The following M1AP variants were observed in gnomAD, a reference collection of about 807,000 sequenced individuals.
M1AP encodes the protein meiosis 1 arrest protein.
M1AP carries 39 observed loss-of-function variants against 51.2 expected under a neutral mutation model. The observed-to-expected ratio is 0.76, with a 90% CI of 0.59 to 1.00. The LOEUF is 1.00. M1AP is among the 50% of genes least tolerant of loss of function. M1AP has a pLI of 0.00. For synonymous variants in M1AP, 251 were observed against 249.2 expected, an observed-to-expected ratio of 1.01 and a Z score of -0.07; for missense variants, 545 against 641.2, an observed-to-expected ratio of 0.85 and a Z score of 1.62.
intron 2 of M1AP, among the ~76,000 whole-genome samples, chr2:74,619,825 G>A (rs943421279): frequency 1.3e-5 from 2 of 152,064 alleles, no homozygotes; most frequent in Non-Finnish European, 2.9e-5. Context: ...TTGTACTGAC[G>A]GAATGAATGA....
chr2:74,611,166 T>C (rs1247299678), intron 3 of M1AP, among the ~76,000 whole-genome samples: 1 of 152,196 alleles, frequency 6.6e-6, no homozygotes, highest in African/African-American at 2.4e-5. Context: ...TGTCCGGTTT[T>C]GGTATCAGGG....
chr2:74,568,135 T>C (rs1431836135), intron 7 of M1AP, among the ~76,000 whole-genome samples: 3 of 152,156 alleles, frequency 2.0e-5, no homozygotes, highest in Non-Finnish European at 4.4e-5. Context: ...CCCACACTTG[T>C]AAGGAAATCC....
chr2:74,582,076 C>T (rs967832866), intron 4 of M1AP, among the ~76,000 whole-genome samples: 2 of 152,160 alleles, frequency 1.3e-5, no homozygotes, highest in Non-Finnish European at 2.9e-5. Context: ...ACTACAAGCA[C>T]TCACCACCAC....
chr2:74,589,668 T>C (rs1679927418), intron 4 of M1AP, among the ~76,000 whole-genome samples: 1 of 152,232 alleles, frequency 6.6e-6, no homozygotes, highest in Non-Finnish European at 1.5e-5. Flanking sequence ...GGGAGTTCCA[T>C]GAGCAGAGCT....
chr2:74,575,315 G>GT (rs1678991670), intron 7 of M1AP, 123 bp downstream of exon 7: 11 of 1,498,850 alleles, frequency 7.3e-6, no homozygotes, highest in Non-Finnish European at 8.9e-6. Context: ...AGTATTTCCA[G>GT]TTTTTTCTGT....
At chr2:74,647,893 T>A in intron 1 of M1AP, 1 of 486,278 alleles carries the variant, frequency 2.1e-6, no homozygotes. Flanking sequence ...AAACTCCGTC[T>A]CAAAAACAAA....
chr2:74,628,883 C>T, intron 2 of M1AP: 1 of 425,002 alleles, frequency 2.4e-6, no homozygotes, highest in South Asian at 2.1e-5. Context: ...TAGTTGTCTC[C>T]TCTTCTGCAT....
chr2:74,607,325 G>T, intron 3 of M1AP, 102 bp from the exon 4 acceptor site: 2 of 1,181,504 alleles, frequency 1.7e-6, no homozygotes, highest in Non-Finnish European at 2.4e-6. Flanking sequence ...TAAGTCTGTG[G>T]TGGTGGCTAT....
intron 4 of M1AP, among the ~76,000 whole-genome samples, chr2:74,606,364 C>T (rs1558676110): frequency 6.6e-6 from 1 of 152,200 alleles, no homozygotes; most frequent in Non-Finnish European, 1.5e-5. Context: ...TCTGTTCATA[C>T]AGCACTGTTT....
At chr2:74,588,505 T>C (rs946241058) in intron 4 of M1AP, among the ~76,000 whole-genome samples, 1 of 152,204 alleles carries the variant, frequency 6.6e-6, no homozygotes, top group Non-Finnish European at 1.5e-5. Context: ...CATCCAACCA[T>C]TGTCTTTAAA....
intron 3 of M1AP, among the ~76,000 whole-genome samples, chr2:74,609,795 A>C (rs1681221281): frequency 1.3e-5 from 2 of 152,144 alleles, no homozygotes; most frequent in Non-Finnish European, 2.9e-5. Context: ...TTTGATTTGC[A>C]TTTCTCTGAT....
Position 74,562,224 on chromosome 2 carries a change from T to C in M1AP, c.1274A>G (p.Asn425Ser). The change falls in exon 8 of 11, where the codon AAT (asparagine) becomes AGT (serine). Residue 425 changes from asparagine to serine, a missense_variant. Coordinates refer to ENST00000421985, the MANE Select transcript of M1AP (RefSeq NM_001321739.2). ...PEDPHDDSLKNVESMLDSLEL... is the reference protein window; with the variant it reads ...PEDPHDDSLKSVESMLDSLEL... ...GATCTGGGCTCCACTTGCCTCCACATTCTTAAGGCTATCATCATGTGGGTC... is the reference window on the plus strand; with the variant it reads ...GATCTGGGCTCCACTTGCCTCCACACTCTTAAGGCTATCATCATGTGGGTC... The C allele has an allele frequency of 1.9e-6, 3 of 1,611,254 alleles. No individual in the cohort carries two copies. The highest frequency in any genetic ancestry group is 2.5e-6 in the Non-Finnish European group (3 of 1,178,152).
In M1AP at chr2:74,607,097, G is replaced by C. The variant is rs1389373788; in HGVS notation, c.553C>G (p.His185Asp). 5 of 1,614,016 alleles carry C rather than the reference G, an allele frequency of 3.1e-6. No homozygotes were observed. The highest frequency in any genetic ancestry group is 3.4e-6 in the Non-Finnish European group (4 of 1,179,972). Reference sequence around the variant, plus strand: ...TCAACAGGAGACGCTGAGTCCACGTGCTCTAGGATTCCCTTTGTGACCTCA... The same window carrying C: ...TCAACAGGAGACGCTGAGTCCACGTCCTCTAGGATTCCCTTTGTGACCTCA... ...VVEVTKGILE[H>D]VDSASPVEDT... The change falls in exon 4 of 11, where the codon CAC becomes GAC. Residue 185 changes from histidine (H) to aspartate (D), a missense_variant. His to Asp is a moderately conservative substitution (Grantham distance 81). Transcript: ENST00000421985.
chr2:74,597,460 T>C (rs745743105), intron 4 of M1AP, among the ~76,000 whole-genome samples: 3 of 152,210 alleles, frequency 2.0e-5, no homozygotes, highest in Non-Finnish European at 4.4e-5. Flanking sequence ...CACTGAAGCA[T>C]AGAAGAGGCT....
At chr2:74,636,326 T>C (rs571927291) in intron 2 of M1AP, among the ~76,000 whole-genome samples, 1 of 152,276 alleles carries the variant, frequency 6.6e-6, no homozygotes, top group African/African-American at 2.4e-5. Flanking sequence ...TCCATTCTTT[T>C]ACTTTCAGCC....
intron 2 of M1AP, among the ~76,000 whole-genome samples, chr2:74,635,584 C>T (rs1682945870): frequency 6.6e-6 from 1 of 151,930 alleles, no homozygotes; most frequent in African/African-American, 2.4e-5. Context: ...TTTGACTTTT[C>T]TCTTTTCTAA....
intron 2 of M1AP, among the ~76,000 whole-genome samples, chr2:74,617,089 G>C (rs1681712148): frequency 6.6e-6 from 1 of 152,088 alleles, no homozygotes; most frequent in Non-Finnish European, 1.5e-5. Context: ...GCCTCACCTT[G>C]GTATTTTAAA....
At chr2:74,576,740 G>A in intron 5 of M1AP, 122 bp from the exon 6 acceptor site, 2 of 1,284,316 alleles carry the variant, frequency 1.6e-6, no homozygotes, top group Non-Finnish European at 2.1e-6. Context: ...TCTCTACCAG[G>A]CAAGCAAGGG....
At chr2:74,642,823 C>T (rs1170450118) in intron 1 of M1AP, among the ~76,000 whole-genome samples, 1 of 151,820 alleles carries the variant, frequency 6.6e-6, no homozygotes, top group Non-Finnish European at 1.5e-5. Context: ...ACAAAGTTTC[C>T]CTTTCTCATC....
Sources: gnomAD v4.1 joint callset for allele counts (sites outside exome capture counted in the v4.1 genomes callset) on GRCh38, gnomAD v4.1.1 for gene constraint, MANE v1.5 for transcripts, NCBI Gene and HGNC (gene_info 2026-07-23, HGNC 2026-07-21) for gene names.